Variants in CSMD1 observed in about 807,000 individuals in gnomAD.
CSMD1 encodes CUB and Sushi multiple domains 1.
Under a neutral mutation model 417.5 loss-of-function variants are expected in CSMD1, and 213 were observed. That is an observed-to-expected ratio of 0.51 (90% CI 0.46 to 0.57). The LOEUF is 0.57. Ranked by LOEUF, CSMD1 falls within the 20% of genes least tolerant of loss-of-function variation. The pLI is 0.00. For missense variants in CSMD1, 6,923 were observed against 4,529.7 expected (o/e 1.53, Z -15.17); for synonymous variants, 2,862 against 1,736.8 (o/e 1.65, Z -16.11).
intron 7 of CSMD1, among the ~76,000 whole-genome samples, chr8:3,657,896 G>T (rs1290300517): frequency 6.6e-6 from 1 of 152,114 alleles, no homozygotes; most frequent in Non-Finnish European, 1.5e-5. Flanking sequence ...TTACCCTGGA[G>T]CTTCTGTGCA....
chr8:4,535,099 G>C (rs528865078), intron 2 of CSMD1, among the ~76,000 whole-genome samples: 2 of 152,176 alleles, frequency 1.3e-5, no homozygotes, highest in South Asian at 2.1e-4. Flanking sequence ...TATAGGACTA[G>C]GGTAGAAGAT....
intron 3 of CSMD1, among the ~76,000 whole-genome samples, chr8:4,409,118 C>A (rs556374923): frequency 7.8e-4 from 118 of 152,124 alleles, no homozygotes; most frequent in Non-Finnish European, 1.4e-3. Flanking sequence ...CTGCATATGG[C>A]TATAAATTAT....
intron 3 of CSMD1, among the ~76,000 whole-genome samples, chr8:4,175,519 G>A (rs1797992778): frequency 6.6e-6 from 1 of 151,454 alleles, no homozygotes; most frequent in East Asian, 1.9e-4. Context: ...ACAACTGATA[G>A]AAGCCCAATG....
intron 2 of CSMD1, among the ~76,000 whole-genome samples, chr8:4,431,799 A>G (rs983909937): frequency 6.6e-6 from 1 of 152,208 alleles, no homozygotes; most frequent in African/African-American, 2.4e-5. Flanking sequence ...CAAATGCTTA[A>G]TAAGTTGGTA....
Position 4,202,956 on chromosome 8 carries a change from G to A in CSMD1, c.416-170857C>T, listed in dbSNP as rs1339840191. On this transcript the variant is annotated intron_variant, in intron 3 of 69. Coordinates refer to ENST00000635120, the MANE Select transcript of CSMD1 (RefSeq NM_033225.6). ...TGGCCTTATCTCTTTTTGCAGTTGT[G>A]GGAGGAGAACGATTACCTCCACCAA... Among the ~76,000 whole-genome samples, 10 of 152,200 alleles carry A rather than the reference G, an allele frequency of 6.6e-5. No individual in the cohort carries two copies. In the South Asian group the frequency reaches 1.5e-3, roughly 22 times the overall value.
chr8:3,639,134 G>A (rs1300649705), intron 7 of CSMD1, among the ~76,000 whole-genome samples: 2 of 152,164 alleles, frequency 1.3e-5, no homozygotes, highest in Non-Finnish European at 2.9e-5. Flanking sequence ...GATTTTCGCA[G>A]CTCTACTTTA....
At chr8:3,955,748 G>A (rs1475017396) in intron 5 of CSMD1, among the ~76,000 whole-genome samples, 1 of 152,134 alleles carries the variant, frequency 6.6e-6, no homozygotes, top group Non-Finnish European at 1.5e-5. Context: ...GAAAAAAACA[G>A]GGTCAAATAC....
chr8:4,522,110 G>T (rs1452308736), intron 2 of CSMD1, among the ~76,000 whole-genome samples: 1 of 152,146 alleles, frequency 6.6e-6, no homozygotes, highest in Non-Finnish European at 1.5e-5. Context: ...GTTGTGGGAG[G>T]AGCCTGGGGG....
At chr8:4,312,478 T>TAC (rs1220416517) in intron 3 of CSMD1, among the ~76,000 whole-genome samples, 10 of 142,006 alleles carry the variant, frequency 7.0e-5, no homozygotes, top group Admixed American at 4.1e-4. Context: ...TATATATATA[T>TAC]ACACATATAG....
chr8:3,327,187 C>A (rs1806588288), intron 23 of CSMD1, among the ~76,000 whole-genome samples: 3 of 151,406 alleles, frequency 2.0e-5, no homozygotes, highest in African/African-American at 7.3e-5. Flanking sequence ...GTCACCCAGG[C>A]TGGAGTGTGC....
chr8:4,206,345 TC>T (rs1167403115), intron 3 of CSMD1, among the ~76,000 whole-genome samples: 4 of 151,702 alleles, frequency 2.6e-5, no homozygotes, highest in African/African-American at 9.7e-5. Context: ...CCCTTTCCCC[TC>T]CCCCCAACCC....
At position 3,223,754 on chromosome 8, in the gene CSMD1, A is replaced by G. The variant is rs1563158431; in HGVS notation, c.4459T>C (p.Phe1487Leu). The change falls in exon 28 of 70, where the codon TTT becomes CTT. Residue 1487 changes from phenylalanine (F) to leucine (L), a missense_variant. Transcript: ENST00000635120. Reference protein sequence around the residue: ...CDWRVKVNPDFVIALIFKSFN... With the variant: ...CDWRVKVNPDLVIALIFKSFN... ...CTTTTGAATATCAAGGCGATGACAA[A>G]GTCCGGGTTCACTTTTACTCTCCAG... 6.2e-7 allele frequency: 1 copy of G among 1,613,934 alleles called. No homozygotes were observed. Among genetic ancestry groups the G allele is most frequent in the East Asian group, 2.2e-5 (1 of 44,880 alleles).
At chr8:4,894,073 T>C (rs1343617820) in intron 1 of CSMD1, among the ~76,000 whole-genome samples, 1 of 152,128 alleles carries the variant, frequency 6.6e-6, no homozygotes, top group East Asian at 1.9e-4. Context: ...GAATAATGAA[T>C]TTTAACTAGC....
chr8:3,774,425 C>T (rs909353584), intron 5 of CSMD1, among the ~76,000 whole-genome samples: 2 of 152,178 alleles, frequency 1.3e-5, no homozygotes, highest in Non-Finnish European at 2.9e-5. Flanking sequence ...GCCTGCTTTC[C>T]ACCATGATAT....
chr8:4,433,474 T>C (rs917172392), intron 2 of CSMD1, among the ~76,000 whole-genome samples: 1 of 152,174 alleles, frequency 6.6e-6, no homozygotes, highest in Non-Finnish European at 1.5e-5. Context: ...GCACTGGCTA[T>C]CTGCAAGCGC....
intron 3 of CSMD1, among the ~76,000 whole-genome samples, chr8:4,047,513 G>T (rs752707762): frequency 7.4e-6 from 1 of 134,894 alleles, no homozygotes; most frequent in African/African-American, 2.6e-5. Flanking sequence ...GCAACATTGT[G>T]ATATGTCATT....
intron 5 of CSMD1, among the ~76,000 whole-genome samples, chr8:3,868,920 G>A (rs1024405403): frequency 6.6e-6 from 1 of 152,004 alleles, no homozygotes; most frequent in East Asian, 1.9e-4. Flanking sequence ...ATCCTCCCTG[G>A]CTAACACCCC....
chr8:3,949,737 G>C (rs1395643818), intron 5 of CSMD1, among the ~76,000 whole-genome samples: 1 of 152,120 alleles, frequency 6.6e-6, no homozygotes, highest in Non-Finnish European at 1.5e-5. Context: ...ATGGGGACTT[G>C]ATCCCACCAG....
intron 3 of CSMD1, among the ~76,000 whole-genome samples, chr8:4,412,060 A>G (rs761486087): frequency 4.6e-5 from 7 of 151,650 alleles, no homozygotes; most frequent in Non-Finnish European, 1.0e-4. Context: ...TGTGCCTCTG[A>G]TATAGTTCAG....
Sources: allele counts gnomAD v4.1 joint callset (sites outside exome capture counted in the v4.1 genomes callset), GRCh38; gene constraint gnomAD v4.1.1; transcripts MANE v1.5; gene names NCBI Gene and HGNC (gene_info 2026-07-23, HGNC 2026-07-21).